Variants in PTPRT observed in about 807,000 individuals in gnomAD.
The protein encoded by PTPRT is receptor-type tyrosine-protein phosphatase T.
In PTPRT, 56 loss-of-function variants were observed where a neutral mutation model predicts 176.8. The ratio of observed to expected loss-of-function variants is 0.32; its 90% confidence interval spans 0.26 to 0.40. The LOEUF (loss-of-function observed/expected upper bound fraction) is 0.40, where lower values mean the gene tolerates loss of function less well. PTPRT is among the 10% of genes least tolerant of loss of function. PTPRT has a pLI of 1.00. For missense variants in PTPRT, 1,540 were observed against 1,908.2 expected (o/e 0.81, Z 3.60); for synonymous variants, 783 against 739.0 (o/e 1.06, Z -0.96).
At chr20:43,169,885 C>T (rs1568824667) in intron 1 of PTPRT, among the ~76,000 whole-genome samples, 1 of 152,138 alleles carries the variant, frequency 6.6e-6, no homozygotes, top group Non-Finnish European at 1.5e-5. Flanking sequence ...AGACTAAGGG[C>T]TCTCCTCTGG....
At chr20:42,324,956 T>C (rs1190676978) in intron 11 of PTPRT, among the ~76,000 whole-genome samples, 5 of 152,226 alleles carry the variant, frequency 3.3e-5, no homozygotes, top group African/African-American at 4.8e-5. Flanking sequence ...CGGCGACCTA[T>C]TGTCCTATCT....
intron 2 of PTPRT, among the ~76,000 whole-genome samples, chr20:42,835,951 C>T (rs552015054): frequency 5.3e-5 from 8 of 152,104 alleles, no homozygotes; most frequent in African/African-American, 9.7e-5. Flanking sequence ...AAGGTTTCTA[C>T]GAGATAGCAC....
At chr20:43,056,331 C>A (rs190647067) in intron 1 of PTPRT, among the ~76,000 whole-genome samples, 11 of 152,296 alleles carry the variant, frequency 7.2e-5, no homozygotes, top group African/African-American at 2.2e-4. Flanking sequence ...CTGAGTCCAG[C>A]CACAGGAATG....
chr20:42,113,112 G>A lies in PTPRT; in HGVS notation c.3099+2087C>T, dbSNP rs146913836. 4.0e-4 allele frequency among the ~76,000 whole-genome samples: 61 copies of A among 152,316 alleles called. 1 individual carries two copies. The highest frequency in any genetic ancestry group is 3.5e-3 in the South Asian group (17 of 4,834). ...GCTAAAATCGCAGGTAATGTTTGCT[G>A]AGTGCCTGCCTGCATGCTGTGGAGA... On this transcript the variant is annotated intron_variant, in intron 22 of 30. Transcript: ENST00000373187.
At chr20:42,103,804 T>C (rs1430619525) in intron 25 of PTPRT, among the ~76,000 whole-genome samples, 1 of 152,234 alleles carries the variant, frequency 6.6e-6, no homozygotes, top group African/African-American at 2.4e-5. Flanking sequence ...CATTCACAAC[T>C]TGGACTAGAA....
intron 15 of PTPRT, among the ~76,000 whole-genome samples, chr20:42,231,116 T>C (rs931324313): frequency 2.0e-5 from 3 of 149,716 alleles, no homozygotes; most frequent in African/African-American, 7.5e-5. Context: ...AGCGGCCTCC[T>C]TACCAGCCTG....
At chr20:42,484,183 A>T (rs903286016) in intron 7 of PTPRT, among the ~76,000 whole-genome samples, 1 of 152,208 alleles carries the variant, frequency 6.6e-6, no homozygotes, top group Admixed American at 6.5e-5. Context: ...CCAGAGGTTC[A>T]CAGTGCCCTT....
At chr20:42,115,887 AG>A (rs1334861224) in intron 21 of PTPRT, among the ~76,000 whole-genome samples, 1 of 152,180 alleles carries the variant, frequency 6.6e-6, no homozygotes, top group Non-Finnish European at 1.5e-5. Context: ...GGTTGGGAAA[AG>A]GATGGTAGCT....
At chr20:42,277,021 T>C (rs1490498210) in intron 13 of PTPRT, among the ~76,000 whole-genome samples, 1 of 152,094 alleles carries the variant, frequency 6.6e-6, no homozygotes, top group African/African-American at 2.4e-5. Context: ...GCTTAGCTCT[T>C]ATGAAAAGAA....
chr20:42,203,425 A>T (rs1991529436), intron 15 of PTPRT, among the ~76,000 whole-genome samples: 1 of 152,118 alleles, frequency 6.6e-6, no homozygotes, highest in African/African-American at 2.4e-5. Flanking sequence ...CTCTGCACAT[A>T]ACCTTATCCT....
At chr20:42,781,322 G>A (rs987073460) in intron 3 of PTPRT, among the ~76,000 whole-genome samples, 2 of 151,894 alleles carry the variant, frequency 1.3e-5, no homozygotes, top group Admixed American at 6.6e-5. Flanking sequence ...CACAACTGCC[G>A]CCCTTTCAAC....
chr20:43,023,484 T>A (rs1375589102), intron 1 of PTPRT, among the ~76,000 whole-genome samples: 3 of 152,222 alleles, frequency 2.0e-5, no homozygotes, highest in African/African-American at 7.2e-5. Flanking sequence ...CAAGATTTCC[T>A]GCTCACACAA....
rs148641237 is a variant in PTPRT at position 43,061,669 on chromosome 20, T to C, written c.88+127977A>G. Among the ~76,000 whole-genome samples the C allele has an allele frequency of 6.1e-3, 930 of 152,326 alleles. 11 individuals carry two copies. Among genetic ancestry groups the C allele is most frequent in the African/African-American group, 0.021 (862 of 41,564 alleles). On this transcript the variant is annotated intron_variant, in intron 1 of 30. Transcript: ENST00000373187. ...GTCTAGCACTGTTCTAGATACAACA[T>C]GTTTTCACTCCTTTAGCCTCCACAA...
intron 13 of PTPRT, among the ~76,000 whole-genome samples, chr20:42,265,533 G>C (rs532218300): frequency 6.6e-6 from 1 of 151,840 alleles, no homozygotes; most frequent in Non-Finnish European, 1.5e-5. Flanking sequence ...CCAATGCTTT[G>C]TCCCCCAGAG....
chr20:42,519,567 C>A (rs2072132458), intron 7 of PTPRT, among the ~76,000 whole-genome samples: 1 of 152,096 alleles, frequency 6.6e-6, no homozygotes, highest in Non-Finnish European at 1.5e-5. Context: ...TACTAATCTA[C>A]ATTTAATAGG....
intron 6 of PTPRT, among the ~76,000 whole-genome samples, chr20:42,698,992 A>G (rs890188467): frequency 5.3e-5 from 8 of 152,154 alleles, no homozygotes; most frequent in Non-Finnish European, 4.4e-5. Flanking sequence ...ACAACTAACA[A>G]CGATGTAGTA....
chr20:42,305,165 C>A (rs1166544275), intron 12 of PTPRT, among the ~76,000 whole-genome samples: 2 of 152,028 alleles, frequency 1.3e-5, no homozygotes, highest in Admixed American at 1.3e-4. Flanking sequence ...CCAGCTTGGT[C>A]AACATGGTGA....
At chr20:42,432,676 T>C (rs1049493332) in intron 9 of PTPRT, among the ~76,000 whole-genome samples, 4 of 152,230 alleles carry the variant, frequency 2.6e-5, no homozygotes, top group African/African-American at 7.2e-5. Context: ...TCCAGCTACA[T>C]AGCATCTTTA....
In PTPRT at chr20:42,281,529, G is replaced by A. The variant is rs187774907; in HGVS notation, c.2176+960C>T. ...CTCTCTTTTTCTCCCCACTCTGCCC[G>A]TGTGTGTGTTTATGTTCCTCTGTGT... On this transcript the variant is annotated intron_variant, in intron 13 of 30. Coordinates refer to ENST00000373187, the MANE Select transcript of PTPRT (RefSeq NM_007050.6). Among the ~76,000 whole-genome samples the A allele has an allele frequency of 4.1e-3, 618 of 152,138 alleles. 2 individuals are homozygous for A. Among genetic ancestry groups the A allele is most frequent in the Non-Finnish European group, 6.6e-3 (447 of 68,004 alleles).
Sources: allele counts gnomAD v4.1 joint callset (sites outside exome capture counted in the v4.1 genomes callset), GRCh38; gene constraint gnomAD v4.1.1; transcripts MANE v1.5; gene names NCBI Gene and HGNC (gene_info 2026-07-23, HGNC 2026-07-21).